Variants in MYO16 observed in about 807,000 individuals in gnomAD.
The protein encoded by MYO16 is unconventional myosin-XVI.
In MYO16, 94 loss-of-function variants were observed where a neutral mutation model predicts 205.3. That is an observed-to-expected ratio of 0.46 (90% CI 0.39 to 0.54). The LOEUF is 0.54. Among genes scored for constraint, MYO16 ranks in the 20% least tolerant of loss-of-function variants. The pLI is 0.00. For missense variants in MYO16, 2,315 were observed against 2,387.5 expected, an observed-to-expected ratio of 0.97 and a Z score of 0.63; for synonymous variants, 988 against 954.0, an observed-to-expected ratio of 1.04 and a Z score of -0.66.
At chr13:108,960,387 A>G (rs1408046894) in intron 17 of MYO16, among the ~76,000 whole-genome samples, 2 of 152,304 alleles carry the variant, frequency 1.3e-5, no homozygotes, top group East Asian at 3.9e-4. Flanking sequence ...AAACAAATTT[A>G]TGATTTAGGG....
At chr13:109,198,808 G>A (rs1880268103) in intron 34 of MYO16, among the ~76,000 whole-genome samples, 1 of 152,082 alleles carries the variant, frequency 6.6e-6, no homozygotes, top group Non-Finnish European at 1.5e-5. Context: ...GTAATTTCTT[G>A]TGGTCCCACT....
At chr13:108,762,282 G>A (rs1885635066) in intron 4 of MYO16, among the ~76,000 whole-genome samples, 1 of 104,056 alleles carries the variant, frequency 9.6e-6, no homozygotes, top group African/African-American at 3.2e-5. Context: ...CTTTGCTATT[G>A]TGAATGGTGC....
chr13:108,568,937 T>G, the MYO16 span, among the ~76,000 whole-genome samples: 1 of 152,112 alleles, frequency 6.6e-6, no homozygotes, highest in East Asian at 1.9e-4. Flanking sequence ...AAACCTATTA[T>G]TTTCCTAGTT....
intron 16 of MYO16, among the ~76,000 whole-genome samples, chr13:108,914,922 C>A (rs1401320307): frequency 1.3e-5 from 2 of 152,182 alleles, no homozygotes; most frequent in East Asian, 3.9e-4. Flanking sequence ...GGATCACAAG[C>A]ATGAACCACT....
intron 22 of MYO16, among the ~76,000 whole-genome samples, chr13:109,018,954 C>T (rs1885925825): frequency 6.6e-6 from 1 of 150,578 alleles, no homozygotes; most frequent in Non-Finnish European, 1.5e-5. Flanking sequence ...CCATCTTGGA[C>T]ATACTCTGTT....
At chr13:108,941,631 C>T (rs557188913) in intron 16 of MYO16, among the ~76,000 whole-genome samples, 4 of 145,754 alleles carry the variant, frequency 2.7e-5, no homozygotes, top group South Asian at 2.2e-4. Flanking sequence ...GAGCCAAAAT[C>T]GCACCACTGC....
At chr13:108,556,531 A>C in the MYO16 span, among the ~76,000 whole-genome samples, 1 of 152,138 alleles carries the variant, frequency 6.6e-6, no homozygotes, top group Admixed American at 6.5e-5. Context: ...TTTGGATAAT[A>C]ATCTCTCATC....
At chr13:108,682,714 T>C (rs1218265825) in intron 2 of MYO16, among the ~76,000 whole-genome samples, 1 of 152,146 alleles carries the variant, frequency 6.6e-6, no homozygotes, top group Non-Finnish European at 1.5e-5. Flanking sequence ...GTCAGTGATG[T>C]GGGCAGAGCC....
intron 16 of MYO16, among the ~76,000 whole-genome samples, chr13:108,936,635 T>A (rs1882503194): frequency 6.6e-6 from 1 of 152,124 alleles, no homozygotes; most frequent in African/African-American, 2.4e-5. Flanking sequence ...AGAATAGTGA[T>A]CCCTGCTTTT....
chr13:109,144,323 A>T (rs1877233046), intron 32 of MYO16, among the ~76,000 whole-genome samples: 1 of 152,048 alleles, frequency 6.6e-6, no homozygotes, highest in South Asian at 2.1e-4. Flanking sequence ...CCAAATGTAT[A>T]ATTCTTTATG....
intron 27 of MYO16, among the ~76,000 whole-genome samples, chr13:109,074,438 C>A (rs1438336795): frequency 6.6e-6 from 1 of 152,140 alleles, no homozygotes; most frequent in Non-Finnish European, 1.5e-5. Flanking sequence ...AACTTACAGT[C>A]ACGGTAGAAG....
chr13:108,828,625 G>A (rs1876419725), intron 9 of MYO16, among the ~76,000 whole-genome samples: 1 of 151,982 alleles, frequency 6.6e-6, no homozygotes, highest in South Asian at 2.1e-4. Flanking sequence ...GCAGGGTAGG[G>A]GCCTAGTCAT....
At position 108,737,558 on chromosome 13, in the gene MYO16, T is replaced by C. The variant is rs558508376; in HGVS notation, c.507+9975T>C. ...GGTTTGCCAGTATTTTATTGAGGAT[T>C]TTTGCATCAATGTTCATCAAGGATA... On this transcript the variant is annotated intron_variant, in intron 4 of 34. Transcript: ENST00000457511. Among the ~76,000 whole-genome samples, 420 of 152,320 alleles carry C rather than the reference T, an allele frequency of 2.8e-3. 1 individual carries two copies. Among genetic ancestry groups the C allele is most frequent in the Admixed American group, 4.3e-3 (65 of 15,294 alleles).
chr13:108,892,133 A>G lies in MYO16; in HGVS notation c.1659+3656A>G, dbSNP rs184432791. Among the ~76,000 whole-genome samples the G allele has an allele frequency of 3.9e-4, 60 of 152,332 alleles. No homozygotes were observed. The East Asian group carries it at 9.8e-3, about 25-fold the overall frequency. On this transcript the variant is annotated intron_variant, in intron 14 of 34. Transcript: ENST00000457511. ...AGACTTTTCTCTTTAAAAAGAATGCATAATTAGTTTTTTGAATATCTGTGG... is the reference window on the plus strand; with the variant it reads ...AGACTTTTCTCTTTAAAAAGAATGCGTAATTAGTTTTTTGAATATCTGTGG...
intron 12 of MYO16, among the ~76,000 whole-genome samples, chr13:108,874,091 G>T (rs959968580): frequency 6.6e-6 from 1 of 152,100 alleles, no homozygotes; most frequent in Non-Finnish European, 1.5e-5. Context: ...AAATAACAAT[G>T]AAAAAATCAC....
At chr13:108,968,106 C>A (rs922853699) in intron 20 of MYO16, among the ~76,000 whole-genome samples, 8 of 152,208 alleles carry the variant, frequency 5.3e-5, no homozygotes, top group African/African-American at 1.7e-4. Context: ...ATCCACTCCA[C>A]CTTGGTCTCC....
At chr13:108,910,293 C>A in intron 16 of MYO16, 143 bp downstream of exon 16, 1 of 869,324 alleles carries the variant, frequency 1.2e-6, no homozygotes, top group Non-Finnish European at 1.8e-6. Flanking sequence ...TTGAAACCAT[C>A]CACATAACAA....
intron 16 of MYO16, among the ~76,000 whole-genome samples, chr13:108,940,423 A>G (rs561098815): frequency 6.6e-6 from 1 of 152,314 alleles, no homozygotes; most frequent in East Asian, 1.9e-4. Context: ...TGACTTGATC[A>G]GAAACTCTCT....
At chr13:108,798,787 G>A (rs1171059802) in intron 6 of MYO16, among the ~76,000 whole-genome samples, 2 of 130,332 alleles carry the variant, frequency 1.5e-5, no homozygotes, top group Non-Finnish European at 3.1e-5. Flanking sequence ...CTCACTGCAA[G>A]CTCCGCCTCC....
Sources: allele counts gnomAD v4.1 joint callset (sites outside exome capture counted in the v4.1 genomes callset), GRCh38; gene constraint gnomAD v4.1.1; transcripts MANE v1.5; gene names NCBI Gene and HGNC (gene_info 2026-07-23, HGNC 2026-07-21).